Variants in SLC26A8 observed in about 807,000 individuals in gnomAD.
SLC26A8 encodes solute carrier family 26 member 8, also known as testis anion transporter 1.
SLC26A8 carries 70 observed loss-of-function variants against 105.0 expected under a neutral mutation model. That is an observed-to-expected ratio of 0.67 (90% CI 0.55 to 0.81). SLC26A8 has a LOEUF of 0.81. SLC26A8 is among the 40% of genes least tolerant of loss of function. The probability of loss-of-function intolerance (pLI) is 0.00; values close to 1 mark genes in which losing one functional copy is unlikely to be tolerated. For missense variants in SLC26A8, 998 were observed against 1,181.8 expected, an observed-to-expected ratio of 0.84 and a Z score of 2.28; for synonymous variants, 415 against 438.3, an observed-to-expected ratio of 0.95 and a Z score of 0.66.
chr6:36,022,920 G>T (rs1332562977), intron 1 of SLC26A8, among the ~76,000 whole-genome samples: 1 of 150,274 alleles, frequency 6.7e-6, no homozygotes, highest in Non-Finnish European at 1.5e-5. Flanking sequence ...AACTCTGGGG[G>T]CCATCAGTCT....
At position 35,994,210 on chromosome 6, in the gene SLC26A8, G is replaced by A. The variant is rs572899383; in HGVS notation, c.628-1536C>T. On this transcript the variant is annotated intron_variant, in intron 5 of 19. Coordinates refer to ENST00000490799, the MANE Select transcript of SLC26A8 (RefSeq NM_052961.4). ...ACTCACTGCAATCTCCACCTCCCAG[G>A]TTCACGCCATTCTCCTGCCTCAGTC... Among the ~76,000 whole-genome samples, 29 of 148,342 alleles carry A rather than the reference G, an allele frequency of 2.0e-4. No homozygotes were observed. In the South Asian group the frequency reaches 5.6e-3, roughly 28 times the overall value.
chr6:35,982,380 A>G (rs554847044), intron 7 of SLC26A8, among the ~76,000 whole-genome samples, 177 bp from the exon 8 acceptor site: 1 of 152,242 alleles, frequency 6.6e-6, no homozygotes, highest in African/African-American at 2.4e-5. Context: ...CAAGGCAGGC[A>G]TTAGAGATCT....
At chr6:35,994,628 T>G (rs1581677643) in intron 5 of SLC26A8, among the ~76,000 whole-genome samples, 1 of 147,852 alleles carries the variant, frequency 6.8e-6, no homozygotes, top group East Asian at 2.0e-4. Context: ...CAGGCTGGAG[T>G]GCAGTGGTAC....
Position 36,007,800 on chromosome 6 carries a change from A to G in SLC26A8, c.328+4433T>C, listed in dbSNP as rs78634318. Among the ~76,000 whole-genome samples the G allele has an allele frequency of 9.2e-3, 1,405 of 152,258 alleles. 16 individuals are homozygous for G. Among genetic ancestry groups the G allele is most frequent in the African/African-American group, 0.032 (1,329 of 41,558 alleles). On this transcript the variant is annotated intron_variant, in intron 3 of 19. Coordinates refer to ENST00000490799, the MANE Select transcript of SLC26A8 (RefSeq NM_052961.4). ...ATTTGATCTCTGACAAAGGTGCAAA[A>G]ACAATTCACTGGAGGATATTCTTTA... is the stretch of plus-strand genomic sequence containing the variant.
rs1325068266 is a variant in SLC26A8 at position 35,961,143 on chromosome 6, T to G, written c.1462-44A>C. 5.4e-6 allele frequency: 8 copies of G among 1,488,010 alleles called. No individual in the cohort carries two copies. The South Asian group carries it at 9.1e-5, about 17-fold the overall frequency. The allele number at this position is 1,488,010 out of a possible 1,614,324, so 92.2% of individuals were successfully genotyped here. ...AGGGGAAAATGATCATGAAAACAAG[T>G]TCAACTGAGAAAATGATCAGTCCTG... is the stretch of plus-strand genomic sequence containing the variant. On this transcript the variant is annotated intron_variant, in intron 12 of 19. Transcript: ENST00000490799.
intron 5 of SLC26A8, among the ~76,000 whole-genome samples, chr6:35,993,186 T>TGGGGG (rs71307460): frequency 9.7e-5 from 3 of 30,820 alleles, no homozygotes; most frequent in South Asian, 2.1e-3. Context: ...TGATAGAGAT[T>TGGGGG]GGAGGGGGGG....
chr6:35,999,465 G>C (rs1761458011), intron 4 of SLC26A8, among the ~76,000 whole-genome samples: 1 of 152,192 alleles, frequency 6.6e-6, no homozygotes, highest in African/African-American at 2.4e-5. Flanking sequence ...CCTTTAATTA[G>C]TCTGGCCTCT....
At chr6:36,020,927 AATC>A (rs200694841) in intron 1 of SLC26A8, among the ~76,000 whole-genome samples, 3 of 152,246 alleles carry the variant, frequency 2.0e-5, no homozygotes, top group Admixed American at 6.5e-5. Context: ...CCTTCAGAAG[AATC>A]ATCATCATCA....
At chr6:35,996,648 G>A (rs1761359380) in intron 5 of SLC26A8, among the ~76,000 whole-genome samples, 1 of 152,126 alleles carries the variant, frequency 6.6e-6, no homozygotes, top group Admixed American at 6.6e-5. Context: ...CTGGGCTCAA[G>A]TGATCCTCCC....
chr6:36,000,951 A>G (rs932863093), intron 3 of SLC26A8, among the ~76,000 whole-genome samples: 38 of 152,242 alleles, frequency 2.5e-4, no homozygotes. Flanking sequence ...AGGCAAATCC[A>G]AGGCATTCGA....
intron 12 of SLC26A8, among the ~76,000 whole-genome samples, chr6:35,962,151 G>A (rs1464911834): frequency 2.0e-5 from 3 of 151,944 alleles, no homozygotes; most frequent in East Asian, 1.9e-4. Flanking sequence ...ACTTGAACCC[G>A]GGAGGCGGAG....
chr6:35,980,514 A>C lies in SLC26A8; in HGVS notation c.1025+1607T>G, dbSNP rs374591318. Among the ~76,000 whole-genome samples the C allele has an allele frequency of 8.5e-5, 13 of 152,318 alleles. No individual in the cohort carries two copies. In the South Asian group the frequency reaches 2.7e-3, roughly 32 times the overall value. Reference sequence around the variant, plus strand: ...CAAATGAAATAATACAAATATGTAAAGTGTCAATCCCACTGTTGTTCTTGT... The same window carrying C: ...CAAATGAAATAATACAAATATGTAACGTGTCAATCCCACTGTTGTTCTTGT... On this transcript the variant is annotated intron_variant, in intron 8 of 19. Coordinates refer to ENST00000490799, the MANE Select transcript of SLC26A8 (RefSeq NM_052961.4).
At position 35,962,754 on chromosome 6, in the gene SLC26A8, T is replaced by C. The variant is rs898732917; in HGVS notation, c.1366-133A>G. The C allele has an allele frequency of 9.9e-6, 7 of 707,668 alleles. No homozygotes were observed. In the African/African-American group the frequency reaches 1.1e-4, roughly 11 times the overall value. 43.8% of individuals were successfully genotyped at this position (707,668 alleles called of 1,614,324 possible). ...GCATTGATATTTTATATGAATACCA[T>C]GTCTATGTTCCAACTCATTGTCCAA... On this transcript the variant is annotated intron_variant, in intron 11 of 19. Coordinates refer to ENST00000490799, the MANE Select transcript of SLC26A8 (RefSeq NM_052961.4).
At chr6:35,961,125 A>G in intron 12 of SLC26A8, 26 bp from the exon 13 acceptor site, 4 of 1,574,366 alleles carry the variant, frequency 2.5e-6, no homozygotes, top group Non-Finnish European at 3.5e-6. Flanking sequence ...ATGAGGGGAA[A>G]ATGATCATGA....
In SLC26A8 at chr6:35,951,503, T is replaced by C. The variant is rs1056357749; in HGVS notation, c.2233-4A>G. ...CGTTTTGAAAGGCATTGCATATCTG[T>C]GGGGGGAGAGAAAACCAGTATCAGA... On this transcript the variant is annotated splice_region_variant and splice_polypyrimidine_tract_variant and intron_variant, in intron 17 of 19. Coordinates refer to ENST00000490799, the MANE Select transcript of SLC26A8 (RefSeq NM_052961.4). 6.2e-7 allele frequency: 1 copy of C among 1,613,994 alleles called. No individual in the cohort carries two copies. Among genetic ancestry groups the C allele is most frequent in the Non-Finnish European group, 8.5e-7 (1 of 1,179,992 alleles).
chr6:36,023,410 A>C (rs772963009), intron 1 of SLC26A8, among the ~76,000 whole-genome samples: 4 of 151,936 alleles, frequency 2.6e-5, no homozygotes, highest in Non-Finnish European at 5.9e-5. Flanking sequence ...TTAGCCGAGC[A>C]TGATGGCGTG....
intron 17 of SLC26A8, among the ~76,000 whole-genome samples, chr6:35,953,174 T>C (rs1288003558): frequency 6.6e-6 from 1 of 152,084 alleles, no homozygotes; most frequent in Non-Finnish European, 1.5e-5. Flanking sequence ...AAGTACACCA[T>C]GAATCTCTGA....
At chr6:35,976,317 G>A (rs1315141559) in intron 9 of SLC26A8, among the ~76,000 whole-genome samples, 1 of 151,634 alleles carries the variant, frequency 6.6e-6, no homozygotes, top group African/African-American at 2.4e-5. Context: ...CCAGCTACTC[G>A]GGTGGCTGAG....
rs1772030696 is a variant in SLC26A8 at position 35,955,579 on chromosome 6, T to C, written c.1864-59A>G. 3.8e-6 allele frequency: 6 copies of C among 1,574,008 alleles called. No individual in the cohort carries two copies. The East Asian group carries it at 1.3e-4, about 35-fold the overall frequency. On this transcript the variant is annotated intron_variant, in intron 16 of 19. Coordinates refer to ENST00000490799, the MANE Select transcript of SLC26A8 (RefSeq NM_052961.4). ...AGACACCAACAAGGGCCGGAAGGAC[T>C]TGCAACGATGCTATTTCTTGTCTCT...
Sources: allele counts gnomAD v4.1 joint callset (sites outside exome capture counted in the v4.1 genomes callset), GRCh38; gene constraint gnomAD v4.1.1; transcripts MANE v1.5; gene names NCBI Gene and HGNC (gene_info 2026-07-23, HGNC 2026-07-21).